The following DCPS variants were observed in gnomAD, a reference collection of about 807,000 sequenced individuals.
The protein encoded by DCPS is decapping enzyme, scavenger.
A neutral mutation model predicts 34.7 loss-of-function variants in DCPS; 27 were observed. That is an observed-to-expected ratio of 0.78 (90% confidence interval 0.57 to 1.07). The LOEUF (loss-of-function observed/expected upper bound fraction) is 1.07, where lower values mean the gene tolerates loss of function less well. Ranked by LOEUF, DCPS falls within the 50% of genes least tolerant of loss-of-function variation. The pLI, the probability that DCPS is intolerant of heterozygous loss-of-function variation, is 0.00. For missense variants in DCPS, 464 were observed against 436.9 expected (o/e 1.06, Z -0.55); for synonymous variants, 185 against 185.7 (o/e 1.00, Z 0.03).
chr11:126,311,614 G>T (rs1398188589), intron 2 of DCPS, among the ~76,000 whole-genome samples: 1 of 152,214 alleles, frequency 6.6e-6, no homozygotes, highest in Admixed American at 6.5e-5. Flanking sequence ...AAAGAGGGGA[G>T]AACACTCTGG....
chr11:126,335,951 C>T lies in DCPS; in HGVS notation c.523-2335C>T, dbSNP rs992050567. On this transcript the variant is annotated intron_variant, in intron 3 of 5. Coordinates refer to ENST00000263579, the MANE Select transcript of DCPS (RefSeq NM_014026.6). This position sits in a 1 kb window ranked among gnomAD's most constrained non-coding sequence, Gnocchi z 4.8. ...CAAAAAACAAAAACCAACAAAAAAA[C>T]CTGTCTCTACTAAAAATATAAAAAT... Among the ~76,000 whole-genome samples the T allele has an allele frequency of 6.6e-6, 1 of 151,548 alleles. No homozygotes were observed.
chr11:126,306,835 T>C, intron 2 of DCPS, 91 bp downstream of exon 2: 1 of 1,432,536 alleles, frequency 7.0e-7, no homozygotes, highest in Non-Finnish European at 9.4e-7. Flanking sequence ...CTATACCCGA[T>C]TTGCATATTC....
In DCPS at chr11:126,343,364, G is replaced by A. The variant is rs768453817; in HGVS notation, c.694G>A (p.Asp232Asn). 1.1e-5 allele frequency: 17 copies of A among 1,613,850 alleles called. No homozygotes were observed. Among genetic ancestry groups the A allele is most frequent in the East Asian group, 2.2e-5 (1 of 44,868 alleles). ...CHRRGIRSLRDLTPEHLPLLR... is the reference protein window; with the variant it reads ...CHRRGIRSLRNLTPEHLPLLR... ...TCGCCGGGGCATCAGATCCCTACGCGACCTTACTCCGGAGCACTTGCCGCT... is the reference window on the plus strand; with the variant it reads ...TCGCCGGGGCATCAGATCCCTACGCAACCTTACTCCGGAGCACTTGCCGCT... The change falls in exon 5 of 6, where the codon GAC becomes AAC. Residue 232 changes from aspartate (D) to asparagine (N), a missense_variant. Physicochemically the swap from Asp to Asn is conservative, Grantham distance 23. Coordinates refer to ENST00000263579, the MANE Select transcript of DCPS (RefSeq NM_014026.6).
At chr11:126,318,099 A>T (rs1262357483) in intron 2 of DCPS, among the ~76,000 whole-genome samples, 1 of 152,098 alleles carries the variant, frequency 6.6e-6, no homozygotes, top group Middle Eastern at 3.2e-3. Context: ...GGAGGGAAGG[A>T]GCTGAGGGTT....
At chr11:126,340,752 C>T in intron 4 of DCPS, 1 of 152,208 alleles carries the variant, frequency 6.6e-6, no homozygotes, top group East Asian at 1.9e-4. Flanking sequence ...CAAACTGATG[C>T]CCCTGAATTA....
rs750680956 is a variant in DCPS at position 126,328,074 on chromosome 11, G to C, written c.377-3331G>C. On this transcript the variant is annotated intron_variant, in intron 2 of 5. Coordinates refer to ENST00000263579, the MANE Select transcript of DCPS (RefSeq NM_014026.6). The surrounding 1 kb of genome is among the most constrained non-coding windows in gnomAD (Gnocchi z 6.6). ...GCTCGTTGGGTAGGAGGGTCAGCTC[G>C]GCCGTGGGAGCGGCCAGGGCACGGC... 6.6e-6 allele frequency among the ~76,000 whole-genome samples: 1 copy of C among 152,216 alleles called. No homozygotes were observed. Among genetic ancestry groups the C allele is most frequent in the African/African-American group, 2.4e-5 (1 of 41,458 alleles).
rs1309837034 is a variant in DCPS, at chr11:126,323,218, C to A, written c.377-8187C>A. 2.6e-5 allele frequency among the ~76,000 whole-genome samples: 4 copies of A among 152,188 alleles called. No individual in the cohort carries two copies. The highest frequency in any genetic ancestry group is 9.7e-5 in the African/African-American group (4 of 41,430). Reference sequence around the variant, plus strand: ...ATCTTGCTTGCACCATGTCTCTGGGCACAACTTGAGTTTGTGATTCACAGT... The same window carrying A: ...ATCTTGCTTGCACCATGTCTCTGGGAACAACTTGAGTTTGTGATTCACAGT... On this transcript the variant is annotated intron_variant, in intron 2 of 5. Transcript: ENST00000263579. This position sits in a 1 kb window ranked among gnomAD's most constrained non-coding sequence, Gnocchi z 4.4.
rs749309260 is a variant in DCPS at position 126,331,539 on chromosome 11, C to T, written c.511C>T (p.Leu171Phe). Residue 171 changes from leucine (L) to phenylalanine (F), a missense_variant, in exon 3 of 6, where the codon CTC becomes TTC. Leu to Phe is a conservative substitution (Grantham distance 22). Coordinates refer to ENST00000263579, the MANE Select transcript of DCPS (RefSeq NM_014026.6). This position sits in a 1 kb window ranked among gnomAD's most constrained non-coding sequence, Gnocchi z 7.2. Reference sequence around the variant, plus strand: ...TTTACCCCACCTGGAGTCCCAGAGCCTCAGCATCCAGGTGACTGGCTGCAT... The same window carrying T: ...TTTACCCCACCTGGAGTCCCAGAGCTTCAGCATCCAGGTGACTGGCTGCAT... ...ITLPHLESQS[L>F]SIQWVYNILD... is the part of the protein sequence containing the mutation. The T allele has an allele frequency of 1.9e-6, 3 of 1,614,060 alleles. No homozygotes were observed. The highest frequency in any genetic ancestry group is 2.2e-5 in the South Asian group (2 of 91,066).
intron 4 of DCPS, among the ~76,000 whole-genome samples, chr11:126,339,238 G>A (rs1951858487): frequency 6.6e-6 from 1 of 152,228 alleles, no homozygotes; most frequent in African/African-American, 2.4e-5. Context: ...GCTGGGAGCA[G>A]ACAGACATAT....
In DCPS at chr11:126,345,113, C is replaced by T. The variant is rs1435106775; in HGVS notation, c.748-234C>T. On this transcript the variant is annotated intron_variant, in intron 5 of 5. Coordinates refer to ENST00000263579, the MANE Select transcript of DCPS (RefSeq NM_014026.6). The surrounding 1 kb of genome is among the most constrained non-coding windows in gnomAD (Gnocchi z 7.4). ...GGGGAATGCTGATTGAGGCCGCTCC[C>T]CACTTCTTTTGGGAGAGTCTCAGCT... Among the ~76,000 whole-genome samples, 1 of 152,202 alleles carries T rather than the reference C, an allele frequency of 6.6e-6. No homozygotes were observed. The highest frequency in any genetic ancestry group is 2.4e-5 in the African/African-American group (1 of 41,456).
In DCPS at chr11:126,347,910, G is replaced by A. The variant is rs1951952004; in HGVS notation, c.*2297G>A. On this transcript the variant is annotated 3_prime_UTR_variant, in exon 6 of 6. Coordinates refer to ENST00000263579, the MANE Select transcript of DCPS (RefSeq NM_014026.6). This position sits in a 1 kb window ranked among gnomAD's most constrained non-coding sequence, Gnocchi z 4.2. The stretch of plus-strand genomic sequence containing the variant: ...CACCACAACTGCCACGGAGCAGAGG[G>A]AGGCCTCCCTGTGGAGCAGCCCTTC... Among the ~76,000 whole-genome samples the A allele has an allele frequency of 6.6e-6, 1 of 152,118 alleles. No homozygotes were observed. The highest frequency in any genetic ancestry group is 2.4e-5 in the African/African-American group (1 of 41,440).
intron 2 of DCPS, among the ~76,000 whole-genome samples, chr11:126,317,849 A>G (rs1410640481): frequency 6.6e-6 from 1 of 152,176 alleles, no homozygotes; most frequent in Non-Finnish European, 1.5e-5. Flanking sequence ...CACATTGCAC[A>G]TTAGCTCTTG....
Position 126,332,780 on chromosome 11 carries a change from GTTGT to G in DCPS, c.522+1245_522+1248del, listed in dbSNP as rs1175951353. Among the ~76,000 whole-genome samples, 3 of 151,824 alleles carry G rather than the reference GTTGT, an allele frequency of 2.0e-5. No homozygotes were observed. The highest frequency in any genetic ancestry group is 2.1e-4 in the South Asian group (1 of 4,830). ...AGCTGACTTGTTTGTTGTTGTTGTT[GTTGT>G]TTGTTTGTTTGTTTTTAAAGTCCCA... On this transcript the variant is annotated intron_variant, in intron 3 of 5. Coordinates refer to ENST00000263579, the MANE Select transcript of DCPS (RefSeq NM_014026.6). The surrounding 1 kb of genome is among the most constrained non-coding windows in gnomAD (Gnocchi z 5.4).
In DCPS at chr11:126,342,748, T is replaced by C. The variant is rs563130281; in HGVS notation, c.637-559T>C. On this transcript the variant is annotated intron_variant, in intron 4 of 5. Transcript: ENST00000263579. This position sits in a 1 kb window ranked among gnomAD's most constrained non-coding sequence, Gnocchi z 4.4. ...AGTTGCCCTTGCTCTTTCTTGAACC[T>C]CCTGGCTCCCTGCCCCGACAGCTCT... Among the ~76,000 whole-genome samples the C allele has an allele frequency of 6.6e-6, 1 of 152,204 alleles. No individual in the cohort carries two copies. The highest frequency in any genetic ancestry group is 6.5e-5 in the Admixed American group (1 of 15,298).
At chr11:126,339,078 G>C (rs148703016) in intron 4 of DCPS, among the ~76,000 whole-genome samples, 2,030 of 152,328 alleles carry the variant, frequency 0.013, 19 homozygotes, top group Non-Finnish European at 0.022. Flanking sequence ...GAGAGTATCA[G>C]AAGCTTTTAT....
intron 2 of DCPS, among the ~76,000 whole-genome samples, chr11:126,330,885 C>A (rs1484364457): frequency 6.6e-6 from 1 of 151,078 alleles, no homozygotes; most frequent in South Asian, 2.1e-4. Context: ...TACAGGCATG[C>A]GCCACCACGC....
In DCPS at chr11:126,332,341, G is replaced by T. The variant is rs1330659671; in HGVS notation, c.522+791G>T. 6.6e-6 allele frequency among the ~76,000 whole-genome samples: 1 copy of T among 152,234 alleles called. No individual in the cohort carries two copies. The highest frequency in any genetic ancestry group is 2.4e-5 in the African/African-American group (1 of 41,466). On this transcript the variant is annotated intron_variant, in intron 3 of 5. Transcript: ENST00000263579. This position sits in a 1 kb window ranked among gnomAD's most constrained non-coding sequence, Gnocchi z 5.4. ...AGGCCCAGCGCCAACTGGAGCCTCT[G>T]CCTGGAACTGGCCCCATGTGAGTAC...
In DCPS at chr11:126,345,796, C is replaced by T. The variant is rs1043409967; in HGVS notation, c.*183C>T. ...TGGGAGGCAGACAGATGGTGGGGGA[C>T]AGTGGGTGGGTAGAACCTGTGGGAA... On this transcript the variant is annotated 3_prime_UTR_variant, in exon 6 of 6. Transcript: ENST00000263579. This position sits in a 1 kb window ranked among gnomAD's most constrained non-coding sequence, Gnocchi z 7.4. The T allele has an allele frequency of 1.5e-5, 13 of 875,376 alleles. No individual in the cohort carries two copies. The African/African-American group carries it at 2.0e-4, about 14-fold the overall frequency. The allele number at this position is 875,376 out of a possible 1,614,324, so 54.2% of individuals were successfully genotyped here.
At chr11:126,317,992 A>G (rs1435318354) in intron 2 of DCPS, among the ~76,000 whole-genome samples, 1 of 152,004 alleles carries the variant, frequency 6.6e-6, no homozygotes, top group Admixed American at 6.6e-5. Flanking sequence ...GGAGTTACCA[A>G]ATTTGCTTGT....
Sources: gnomAD v4.1 joint callset for allele counts (sites outside exome capture counted in the v4.1 genomes callset) on GRCh38, gnomAD v4.1.1 for gene constraint, Gnocchi (gnomAD v3.1) non-coding constraint, MANE v1.5 for transcripts, NCBI Gene and HGNC (gene_info 2026-07-23, HGNC 2026-07-21) for gene names.